ARHGAP18: variants seen among roughly 807,000 people sequenced by gnomAD.
ARHGAP18 encodes rho GTPase-activating protein 18.
Under a neutral mutation model 86.2 loss-of-function variants are expected in ARHGAP18, and 67 were observed. The observed-to-expected ratio is 0.78, with a 90% confidence interval of 0.64 to 0.95. The LOEUF is 0.95. Ranked by LOEUF, ARHGAP18 falls within the 40% of genes least tolerant of loss-of-function variation. ARHGAP18 has a pLI of 0.00. For synonymous variants in ARHGAP18, 283 were observed against 280.4 expected, an observed-to-expected ratio of 1.01 and a Z score of -0.09; for missense variants, 691 against 780.4, an observed-to-expected ratio of 0.89 and a Z score of 1.37.
chr6:129,576,993 G>A lies in ARHGAP18; in HGVS notation c.*1520C>T, dbSNP rs1031394035. 6.6e-6 allele frequency: 1 copy of A among 151,186 alleles called. No homozygotes were observed. The highest frequency in any genetic ancestry group is 2.4e-5 in the African/African-American group (1 of 41,106). 9.4% of individuals were successfully genotyped at this position (151,186 alleles called of 1,614,324 possible). A position where few individuals can be genotyped will look rare whatever the true frequency, so the allele number is the denominator to read the frequency against. On this transcript the variant is annotated 3_prime_UTR_variant, in exon 15 of 15. Coordinates refer to ENST00000368149, the MANE Select transcript of ARHGAP18 (RefSeq NM_033515.3). ...ATTACAAAGAAAATAGAAAATAGAG[G>A]TGACTTTTAATAACAAAAAAGTCCA...
intron 1 of ARHGAP18, among the ~76,000 whole-genome samples, chr6:129,698,079 C>T (rs1774649121): frequency 6.6e-6 from 1 of 152,072 alleles, no homozygotes; most frequent in Admixed American, 6.5e-5. Flanking sequence ...AGTTTTATTC[C>T]TCAAAAGAAA....
At chr6:129,659,073 A>G (rs1773898606) in intron 1 of ARHGAP18, among the ~76,000 whole-genome samples, 1 of 152,258 alleles carries the variant, frequency 6.6e-6, no homozygotes, top group Non-Finnish European at 1.5e-5. Context: ...TGCAACATGT[A>G]ATAAATATGG....
chr6:129,606,811 T>C (rs1178954445), intron 9 of ARHGAP18, among the ~76,000 whole-genome samples: 1 of 152,152 alleles, frequency 6.6e-6, no homozygotes, highest in Non-Finnish European at 1.5e-5. Context: ...ATTGTATGTG[T>C]TAAGAATAGC....
chr6:129,667,469 A>ATGTGTGTG lies in ARHGAP18; in HGVS notation c.114-25459_114-25452dup, dbSNP rs376500003. Among the ~76,000 whole-genome samples the ATGTGTGTG allele has an allele frequency of 1.7e-3, 172 of 104,220 alleles. 1 individual carries two copies. The highest frequency in any genetic ancestry group is 1.6e-3 in the Admixed American group (18 of 11,170). 68.4% of individuals were successfully genotyped at this position (104,220 alleles called of 152,430 possible). A position where few individuals can be genotyped will look rare whatever the true frequency, so the allele number is the denominator to read the frequency against. On this transcript the variant is annotated intron_variant, in intron 1 of 14. Transcript: ENST00000368149. ...GGTCTATATCAAAAGAAAAATATATATGTGTGTGTGTGTGTGTGTGTGTGT... is the reference window on the plus strand; with the variant it reads ...GGTCTATATCAAAAGAAAAATATATATGTGTGTGTGTGTGTGTGTGTGTGTGTGTGTGT...
At chr6:129,621,745 C>T (rs374209339) in intron 5 of ARHGAP18, among the ~76,000 whole-genome samples, 1 of 151,696 alleles carries the variant, frequency 6.6e-6, no homozygotes, top group African/African-American at 2.4e-5. Flanking sequence ...TGTGTCATGG[C>T]AAGGTAAGAA....
At chr6:129,609,365 T>C (rs1252295917) in intron 8 of ARHGAP18, among the ~76,000 whole-genome samples, 2 of 152,174 alleles carry the variant, frequency 1.3e-5, no homozygotes, top group East Asian at 3.8e-4. Flanking sequence ...ATTGGCCTTC[T>C]TAGAAATTAC....
intron 2 of ARHGAP18, among the ~76,000 whole-genome samples, chr6:129,639,421 A>G (rs1244755031): frequency 2.0e-5 from 3 of 152,172 alleles, no homozygotes; most frequent in Non-Finnish European, 4.4e-5. Context: ...CTGGATCTGT[A>G]CCCCATTTCT....
chr6:129,678,081 G>A (rs1050676262), intron 1 of ARHGAP18, among the ~76,000 whole-genome samples: 1 of 152,292 alleles, frequency 6.6e-6, no homozygotes, highest in East Asian at 1.9e-4. Flanking sequence ...GTTGTTGTCA[G>A]ATAACAGAGA....
intron 1 of ARHGAP18, among the ~76,000 whole-genome samples, chr6:129,689,086 G>A (rs1390724211): frequency 1.3e-5 from 2 of 151,988 alleles, no homozygotes; most frequent in Non-Finnish European, 2.9e-5. Context: ...AGAATCAAGG[G>A]AGCAAATCTG....
intron 5 of ARHGAP18, among the ~76,000 whole-genome samples, chr6:129,624,997 GATATATATTTATATAAT>G (rs1562695937): frequency 1.1e-4 from 11 of 96,480 alleles, no homozygotes; most frequent in Admixed American, 2.8e-4. Context: ...TATTATATAT[GATATATATTTATATAAT>G]ATATATGATA....
Position 129,601,088 on chromosome 6 carries a change from C to A in ARHGAP18, c.1366-240G>T, listed in dbSNP as rs79034685. Among the ~76,000 whole-genome samples, 1,131 of 152,262 alleles carry A rather than the reference C, an allele frequency of 7.4e-3. 13 individuals carry two copies. Among genetic ancestry groups the A allele is most frequent in the African/African-American group, 0.026 (1,084 of 41,550 alleles). The stretch of plus-strand genomic sequence containing the variant: ...GGAATGAAGCAGAGATGGCACATAG[C>A]TGAACTAGGGAGCAGAGAGAGGAGT... On this transcript the variant is annotated intron_variant, in intron 10 of 14. Transcript: ENST00000368149.
intron 12 of ARHGAP18, among the ~76,000 whole-genome samples, chr6:129,587,849 T>C (rs1462227267): frequency 6.6e-6 from 1 of 152,122 alleles, no homozygotes; most frequent in Non-Finnish European, 1.5e-5. Context: ...TCCTCACATT[T>C]CAAAACATAA....
intron 1 of ARHGAP18, among the ~76,000 whole-genome samples, chr6:129,667,361 C>T (rs902203208): frequency 4.6e-5 from 7 of 151,812 alleles, no homozygotes; most frequent in African/African-American, 1.5e-4. Context: ...CAAAAGTTCC[C>T]TGTATCTTTA....
Position 129,578,381 on chromosome 6 carries a change from TTAA to T in ARHGAP18, c.*129_*131del. On this transcript the variant is annotated 3_prime_UTR_variant, in exon 15 of 15. Coordinates refer to ENST00000368149, the MANE Select transcript of ARHGAP18 (RefSeq NM_033515.3). Reference sequence around the variant, plus strand: ...GCACAAATCTATGACTTTTTAAGGCTTAAGAGAGTCATTTTTAAATACTTGGGT... The same window carrying T: ...GCACAAATCTATGACTTTTTAAGGCTGAGAGTCATTTTTAAATACTTGGGT... 1 of 516,448 alleles carries T rather than the reference TTAA, an allele frequency of 1.9e-6. No homozygotes were observed. The highest frequency in any genetic ancestry group is 3.5e-5 in the Admixed American group (1 of 28,582). The allele number at this position is 516,448 out of a possible 1,614,324, so 32.0% of individuals were successfully genotyped here.
intron 1 of ARHGAP18, among the ~76,000 whole-genome samples, chr6:129,696,361 C>T (rs1774616883): frequency 6.6e-6 from 1 of 152,194 alleles, no homozygotes; most frequent in Admixed American, 6.5e-5. Context: ...CTGTTAGGTA[C>T]TTTAAAAGAG....
chr6:129,583,946 T>C (rs745786076), intron 13 of ARHGAP18, 42 bp downstream of exon 13: 2 of 1,581,948 alleles, frequency 1.3e-6, no homozygotes, highest in East Asian at 4.5e-5. Context: ...AGAGAGCAAG[T>C]GACTTATGCC....
intron 1 of ARHGAP18, among the ~76,000 whole-genome samples, chr6:129,673,039 T>C (rs1393971237): frequency 6.6e-6 from 1 of 152,234 alleles, no homozygotes; most frequent in Non-Finnish European, 1.5e-5. Context: ...GTCTCTCCAC[T>C]TCCTGCCCAG....
rs771323312 is a variant in ARHGAP18, at chr6:129,608,067, A to T, written c.1123-15T>A. 26 of 654,388 alleles carry T rather than the reference A, an allele frequency of 4.0e-5. No homozygotes were observed. Among genetic ancestry groups the T allele is most frequent in the Admixed American group, 9.0e-5 (2 of 22,196 alleles). The allele number at this position is 654,388 out of a possible 1,614,324, so 40.5% of individuals were successfully genotyped here. A position where few individuals can be genotyped will look rare whatever the true frequency, so the allele number is the denominator to read the frequency against. ...TGGCAAAGATTCTGATAGGCACGAA[A>T]AAAAAAAAAAAAAAAAAAAGAAGCA... On this transcript the variant is annotated splice_polypyrimidine_tract_variant and intron_variant, in intron 8 of 14. Coordinates refer to ENST00000368149, the MANE Select transcript of ARHGAP18 (RefSeq NM_033515.3).
chr6:129,653,579 C>G (rs1773761113), intron 1 of ARHGAP18, among the ~76,000 whole-genome samples: 1 of 152,170 alleles, frequency 6.6e-6, no homozygotes, highest in Admixed American at 6.5e-5. Flanking sequence ...ATGTTTTCTA[C>G]TAAATGTCTT....
Sources: allele counts gnomAD v4.1 joint callset (sites outside exome capture counted in the v4.1 genomes callset), GRCh38; gene constraint gnomAD v4.1.1; transcripts MANE v1.5; gene names NCBI Gene and HGNC (gene_info 2026-07-23, HGNC 2026-07-21).